TRPV1: variants seen among roughly 807,000 people sequenced by gnomAD.
TRPV1 encodes the protein transient receptor potential cation channel subfamily V member 1.
Under a neutral mutation model 82.3 loss-of-function variants are expected in TRPV1, and 82 were observed. The ratio of observed to expected loss-of-function variants is 1.00; its 90% CI spans 0.83 to 1.20. The LOEUF is 1.20. Among genes scored for constraint, TRPV1 ranks in the 50% most tolerant of loss-of-function variants. TRPV1 has a pLI of 0.00. For missense variants in TRPV1, 1,067 were observed against 1,096.8 expected, an observed-to-expected ratio of 0.97 and a Z score of 0.38; for synonymous variants, 515 against 467.7, an observed-to-expected ratio of 1.10 and a Z score of -1.30.
At chr17:3,588,574 T>C (rs531644685) in intron 7 of TRPV1, among the ~76,000 whole-genome samples, 16 of 152,018 alleles carry the variant, frequency 1.1e-4, no homozygotes, top group African/African-American at 3.9e-4. Flanking sequence ...TTTGGGAGGC[T>C]GAGGCGGGTG....
chr17:3,574,893 G>C (rs2150829374), intron 13 of TRPV1, among the ~76,000 whole-genome samples: 1 of 143,598 alleles, frequency 7.0e-6, no homozygotes, highest in African/African-American at 2.6e-5. Flanking sequence ...ACTCCAGCCT[G>C]GGCGACAGAA....
At chr17:3,592,543 G>A in intron 2 of TRPV1, 160 bp from the exon 3 acceptor site, 1 of 734,052 alleles carries the variant, frequency 1.4e-6, no homozygotes, top group Non-Finnish European at 2.2e-6. Flanking sequence ...TTCCAGGACT[G>A]AACCTCTCAC....
chr17:3,590,181 CCTCT>C, intron 6 of TRPV1, 67 bp downstream of exon 6: 8 of 1,592,742 alleles, frequency 5.0e-6, no homozygotes, highest in Non-Finnish European at 6.0e-6. Context: ...CTCCAAACTC[CCTCT>C]GTCTCTGCCC....
At chr17:3,600,217 T>C (rs772007132) in intron 2 of TRPV1, among the ~76,000 whole-genome samples, 3 of 152,184 alleles carry the variant, frequency 2.0e-5, no homozygotes, top group Non-Finnish European at 2.9e-5. Context: ...GATAGAGCAA[T>C]GGCTGGGAAA....
chr17:3,574,441 C>T (rs1006070672), intron 13 of TRPV1, among the ~76,000 whole-genome samples: 9 of 152,276 alleles, frequency 5.9e-5, no homozygotes, highest in East Asian at 3.9e-4. Context: ...CAAACCCCCC[C>T]GGCCTAGTCC....
chr17:3,595,998 G>A (rs7209050), intron 2 of TRPV1, among the ~76,000 whole-genome samples: 24,229 of 152,120 alleles, frequency 0.16, 6,271 homozygotes, highest in African/African-American at 0.55. Flanking sequence ...ACCTGTCACC[G>A]CAAAACATTC....
intron 2 of TRPV1, among the ~76,000 whole-genome samples, chr17:3,593,193 C>T (rs1017796055): frequency 1.3e-5 from 2 of 151,966 alleles, no homozygotes; most frequent in Non-Finnish European, 2.9e-5. Flanking sequence ...TCTCTGCTCA[C>T]TGCAACCTCC....
In TRPV1 at chr17:3,581,641, C is replaced by T. The variant is rs1019174647; in HGVS notation, c.1477-1114G>A. On this transcript the variant is annotated intron_variant, in intron 10 of 16. Transcript: ENST00000572705. Reference sequence around the variant, plus strand: ...GTGGCTCACGCCTGTAATCCCAGCACTTTGGGAGGCCGAGGCGGGCGGATC... The same window carrying T: ...GTGGCTCACGCCTGTAATCCCAGCATTTTGGGAGGCCGAGGCGGGCGGATC... 2.0e-5 allele frequency among the ~76,000 whole-genome samples: 3 copies of T among 152,104 alleles called. No homozygotes were observed. In the East Asian group the frequency reaches 5.8e-4, roughly 29 times the overall value.
At chr17:3,570,825 T>A (rs1471525060) in intron 16 of TRPV1, among the ~76,000 whole-genome samples, 1 of 152,168 alleles carries the variant, frequency 6.6e-6, no homozygotes, top group Admixed American at 6.5e-5. Flanking sequence ...CCGATTCTCC[T>A]GCTTCAGCCT....
intron 2 of TRPV1, among the ~76,000 whole-genome samples, chr17:3,597,304 G>A (rs930655844): frequency 6.6e-6 from 1 of 152,206 alleles, no homozygotes; most frequent in Non-Finnish European, 1.5e-5. Context: ...AAAGGAGGGC[G>A]CTGCTCGGCC....
chr17:3,573,876 G>C lies in TRPV1; in HGVS notation c.1860C>G (p.Ala620=). ...ESTSHRWRGP[A]CRPPDSSYNS... ...TGTAGGAGCTATCGGGGGGCCTGCAGGCAGGCCCCCGCCACCTGTGCGACG... is the reference window on the plus strand; with the variant it reads ...TGTAGGAGCTATCGGGGGGCCTGCACGCAGGCCCCCGCCACCTGTGCGACG... Residue 620 remains alanine (A), a synonymous_variant, in exon 14 of 17, where the codon GCC becomes GCG. Coordinates refer to ENST00000572705, the MANE Select transcript of TRPV1 (RefSeq NM_080704.4). 6.2e-7 allele frequency: 1 copy of C among 1,608,626 alleles called. No individual in the cohort carries two copies. The highest frequency in any genetic ancestry group is 8.5e-7 in the Non-Finnish European group (1 of 1,178,336).
chr17:3,605,752 T>C (rs1597559559), intron 2 of TRPV1, among the ~76,000 whole-genome samples: 1 of 152,162 alleles, frequency 6.6e-6, no homozygotes, highest in East Asian at 1.9e-4. Flanking sequence ...CTGTTGGTAT[T>C]TTTCCATTGC....
At chr17:3,568,554 C>A (rs948309953) in intron 16 of TRPV1, among the ~76,000 whole-genome samples, 1 of 152,034 alleles carries the variant, frequency 6.6e-6, no homozygotes, top group African/African-American at 2.4e-5. Flanking sequence ...TAAAAATGAG[C>A]CTTTGATAAA....
intron 16 of TRPV1, among the ~76,000 whole-genome samples, chr17:3,570,372 GAA>G (rs71153372): frequency 0.017 from 2,252 of 133,066 alleles, 31 homozygotes; most frequent in Non-Finnish European, 0.023. Context: ...TCCATCTCAG[GAA>G]AAAAAAAAAA....
intron 2 of TRPV1, among the ~76,000 whole-genome samples, chr17:3,604,544 G>A (rs1055682403): frequency 6.7e-6 from 1 of 149,704 alleles, no homozygotes; most frequent in Non-Finnish European, 1.5e-5. Flanking sequence ...GTTGCAGTGA[G>A]CCAAGATCGC....
chr17:3,591,601 C>G (rs1246398718), intron 3 of TRPV1, among the ~76,000 whole-genome samples: 1 of 152,208 alleles, frequency 6.6e-6, no homozygotes, highest in Non-Finnish European at 1.5e-5. Flanking sequence ...CCTCCTACTC[C>G]CAGACCACTG....
At chr17:3,603,484 G>C (rs986308443) in intron 2 of TRPV1, among the ~76,000 whole-genome samples, 1 of 152,196 alleles carries the variant, frequency 6.6e-6, no homozygotes, top group African/African-American at 2.4e-5. Flanking sequence ...CCGGCTGGTA[G>C]CTGAACCTCT....
At chr17:3,571,989 T>G in intron 15 of TRPV1, 133 bp downstream of exon 15, 1 of 1,224,954 alleles carries the variant, frequency 8.2e-7, no homozygotes, top group South Asian at 1.5e-5. Context: ...ACGGCCCCAA[T>G]CCCTACAGCT....
intron 2 of TRPV1, among the ~76,000 whole-genome samples, chr17:3,597,775 G>C (rs753934163): frequency 5.4e-5 from 8 of 148,302 alleles, no homozygotes; most frequent in African/African-American, 7.6e-5. Flanking sequence ...CCAGGTTTAA[G>C]CGATTCTCCT....
Sources: allele counts gnomAD v4.1 joint callset (sites outside exome capture counted in the v4.1 genomes callset), GRCh38; gene constraint gnomAD v4.1.1; transcripts MANE v1.5; gene names NCBI Gene and HGNC (gene_info 2026-07-23, HGNC 2026-07-21).